Variants in PHACTR1 observed in about 807,000 individuals in gnomAD.
PHACTR1 encodes the protein RPEL repeat containing 1.
PHACTR1 carries 16 observed loss-of-function variants against 69.2 expected under a neutral mutation model. The observed-to-expected ratio is 0.23, with a 90% CI of 0.16 to 0.35. The LOEUF is 0.35. Ranked by LOEUF, PHACTR1 falls within the 10% of genes least tolerant of loss-of-function variation. The pLI, the probability that PHACTR1 is intolerant of heterozygous loss-of-function variation, is 1.00. For missense variants in PHACTR1, 510 were observed against 734.7 expected (o/e 0.69, Z 3.54); for synonymous variants, 312 against 284.5 (o/e 1.10, Z -0.97).
intron 4 of PHACTR1, among the ~76,000 whole-genome samples, chr6:13,025,671 T>TTTTGTGTG (rs1554108800): frequency 7.1e-6 from 1 of 140,220 alleles, no homozygotes; most frequent in African/African-American, 2.7e-5. Flanking sequence ...CATATATTAT[T>TTTTGTGTG]TGTGTGTGTG....
At chr6:12,721,622 T>C (rs374044776) in intron 3 of PHACTR1, among the ~76,000 whole-genome samples, 25 of 152,120 alleles carry the variant, frequency 1.6e-4, no homozygotes, top group East Asian at 7.7e-4. Flanking sequence ...AAGATGAGAG[T>C]CCCTCTCCCT....
rs114514802 is a variant in PHACTR1 at position 13,234,819 on chromosome 6, A to G, written c.1391+4626A>G. ...TGTGGACTGCCCCAGAGACATGAAC[A>G]TTGGTCAACAGGGTTCACGTTGCTC... On this transcript the variant is annotated intron_variant, in intron 10 of 14. Transcript: ENST00000332995. Among the ~76,000 whole-genome samples the G allele has an allele frequency of 4.9e-3, 740 of 152,310 alleles. 8 individuals are homozygous for G. Among genetic ancestry groups the G allele is most frequent in the African/African-American group, 0.017 (716 of 41,576 alleles).
chr6:13,232,569 A>T (rs1562040819), intron 10 of PHACTR1, among the ~76,000 whole-genome samples: 1 of 152,188 alleles, frequency 6.6e-6, no homozygotes, highest in Admixed American at 6.5e-5. Context: ...GGAGAGCCTT[A>T]TTCTTAGACA....
At position 13,231,086 on chromosome 6, in the gene PHACTR1, A is replaced by AGGAAGGAAGGAAGGAAGGAAG. The variant is rs369662349; in HGVS notation, c.1391+894_1391+895insGAAGGAAGGAAGGAAGGAAGG. On this transcript the variant is annotated intron_variant, in intron 10 of 14. Transcript: ENST00000332995. ...AAGGAAGGAAGGAAGGAAGGAAGGA[A>AGGAAGGAAGGAAGGAAGGAAG]GAAGGAAGGAAGGGAAAAGAAAGAA... 4.9e-4 allele frequency among the ~76,000 whole-genome samples: 20 copies of AGGAAGGAAGGAAGGAAGGAAG among 40,504 alleles called. 1 individual carries two copies. The highest frequency in any genetic ancestry group is 1.6e-3 in the Admixed American group (4 of 2,462). The allele number at this position is 40,504 out of a possible 152,430, so 26.6% of individuals were successfully genotyped here.
At chr6:12,976,709 G>A (rs550159715) in intron 4 of PHACTR1, among the ~76,000 whole-genome samples, 2 of 152,228 alleles carry the variant, frequency 1.3e-5, no homozygotes, top group East Asian at 1.9e-4. Flanking sequence ...TGCCTGGGTC[G>A]TGGATCATTC....
chr6:12,877,387 AG>A (rs1389276333), intron 4 of PHACTR1, among the ~76,000 whole-genome samples: 1 of 152,196 alleles, frequency 6.6e-6, no homozygotes, highest in Non-Finnish European at 1.5e-5. Flanking sequence ...GGGTGACAGT[AG>A]AGTAGTTTTT....
At chr6:12,870,285 A>G (rs570290736) in intron 4 of PHACTR1, among the ~76,000 whole-genome samples, 7 of 152,274 alleles carry the variant, frequency 4.6e-5, no homozygotes, top group African/African-American at 1.4e-4. Context: ...TGACACTCTC[A>G]TTTCAGGCAA....
intron 4 of PHACTR1, among the ~76,000 whole-genome samples, chr6:12,868,358 CT>C (rs373971376): frequency 6.6e-6 from 1 of 151,486 alleles, no homozygotes; most frequent in Non-Finnish European, 1.5e-5. Context: ...TGATAACCAT[CT>C]TTTTTTTCTT....
At chr6:13,243,002 A>C (rs1773067885) in intron 10 of PHACTR1, among the ~76,000 whole-genome samples, 1 of 152,364 alleles carries the variant, frequency 6.6e-6, no homozygotes, top group East Asian at 1.9e-4. Context: ...TGGAAAAGAC[A>C]CAGCAAGTTC....
intron 4 of PHACTR1, among the ~76,000 whole-genome samples, chr6:12,782,545 A>G (rs954160649): frequency 6.6e-6 from 1 of 152,206 alleles, no homozygotes; most frequent in African/African-American, 2.4e-5. Flanking sequence ...AAATTTTCCC[A>G]CCTAAGCCTT....
chr6:13,166,275 T>C lies in PHACTR1; in HGVS notation c.496+5991T>C, dbSNP rs765674350. On this transcript the variant is annotated intron_variant, in intron 6 of 14. Coordinates refer to ENST00000332995, the MANE Select transcript of PHACTR1 (RefSeq NM_030948.6). ...GACCCCTTACCCTCCTTCTTCCTTT[T>C]TTCTTCTATCTCTTATCACCTTCCA... Among the ~76,000 whole-genome samples the C allele has an allele frequency of 3.9e-4, 59 of 152,348 alleles. No homozygotes were observed. In the Middle Eastern group the frequency reaches 0.02, roughly 53 times the overall value.
chr6:12,717,893 A>C (rs1455767186), intron 2 of PHACTR1, 150 bp downstream of exon 2: 1 of 152,126 alleles, frequency 6.6e-6, no homozygotes, highest in Non-Finnish European at 1.5e-5. Context: ...TTGTCTTGTT[A>C]ATTCTTTCCA....
intron 4 of PHACTR1, among the ~76,000 whole-genome samples, chr6:12,910,177 C>T (rs926180245): frequency 6.6e-6 from 1 of 152,160 alleles, no homozygotes; most frequent in Admixed American, 6.5e-5. Flanking sequence ...AGGTTTTCTG[C>T]TGCACATCTT....
In PHACTR1 at chr6:12,749,758, C is replaced by A. The variant is rs535263200; in HGVS notation, c.218C>A (p.Ala73Glu). 3 of 1,611,588 alleles carry A rather than the reference C, an allele frequency of 1.9e-6. No homozygotes were observed. The highest frequency in any genetic ancestry group is 1.7e-5 in the Admixed American group (1 of 59,986). The change falls in exon 4 of 15, where the codon GCA (alanine) becomes GAA (glutamate). Residue 73 changes from alanine to glutamate, a missense_variant. Physicochemically the swap from Ala to Glu is moderately radical, Grantham distance 107. Around this residue, in one of 2 missense-constraint regions of PHACTR1, gnomAD observed 419 missense variants for 530.9 expected, o/e 0.79. Coordinates refer to ENST00000332995, the MANE Select transcript of PHACTR1 (RefSeq NM_030948.6). ...TCCAAGAGCGACACGCCGTACCTCGCAGAGGCCAGGATCTCCTTTAACCTG... is the reference window on the plus strand; with the variant it reads ...TCCAAGAGCGACACGCCGTACCTCGAAGAGGCCAGGATCTCCTTTAACCTG... ...VRSKSDTPYL[A>E]EARISFNLGA...
At chr6:13,176,948 C>T (rs1435775730) in intron 6 of PHACTR1, among the ~76,000 whole-genome samples, 2 of 151,984 alleles carry the variant, frequency 1.3e-5, no homozygotes, top group African/African-American at 4.8e-5. Flanking sequence ...TATTAATGTA[C>T]TTTTGTGTTT....
At chr6:12,937,590 G>A (rs1426723054) in intron 4 of PHACTR1, among the ~76,000 whole-genome samples, 3 of 152,118 alleles carry the variant, frequency 2.0e-5, no homozygotes, top group Non-Finnish European at 4.4e-5. Context: ...AATATGTCAG[G>A]TGGCGGTAAG....
intron 8 of PHACTR1, among the ~76,000 whole-genome samples, chr6:13,218,271 G>A (rs566677599): frequency 1.8e-3 from 270 of 152,136 alleles, no homozygotes; most frequent in Non-Finnish European, 2.6e-3. Context: ...GGTGTTTGCC[G>A]GCCAGTAATT....
intron 4 of PHACTR1, among the ~76,000 whole-genome samples, chr6:12,859,579 G>T (rs1239310940): frequency 6.6e-6 from 1 of 152,160 alleles, no homozygotes; most frequent in African/African-American, 2.4e-5. Flanking sequence ...AATGAGAAAA[G>T]GTAGCAGTTG....
intron 7 of PHACTR1, among the ~76,000 whole-genome samples, chr6:13,197,101 A>G (rs1261112511): frequency 6.6e-6 from 1 of 152,118 alleles, no homozygotes; most frequent in Non-Finnish European, 1.5e-5. Flanking sequence ...ATCCTGTCTG[A>G]CCCTCCAAAC....
Sources: gnomAD v4.1 joint callset for allele counts (sites outside exome capture counted in the v4.1 genomes callset) on GRCh38, gnomAD v4.1.1 for gene constraint, gnomAD v4.1.1 regional missense constraint, MANE v1.5 for transcripts, NCBI Gene and HGNC (gene_info 2026-07-23, HGNC 2026-07-21) for gene names.